GSE1: variants seen among roughly 807,000 people sequenced by gnomAD.
GSE1 encodes genetic suppressor element 1.
Under a neutral mutation model 112.6 loss-of-function variants are expected in GSE1, and 32 were observed. The observed-to-expected ratio is 0.28, with a 90% CI of 0.21 to 0.38. The LOEUF is 0.38. Ranked by LOEUF, GSE1 falls within the 10% of genes least tolerant of loss-of-function variation. The pLI, the probability that GSE1 is intolerant of heterozygous loss-of-function variation, is 1.00. For synonymous variants in GSE1, 1,115 were observed against 735.6 expected (o/e 1.52, Z -8.35); for missense variants, 2,348 against 1,699.2 (o/e 1.38, Z -6.71).
chr16:85,453,347 T>C (rs934442577), intron 2 of GSE1, among the ~76,000 whole-genome samples: 3 of 152,094 alleles, frequency 2.0e-5, no homozygotes, highest in African/African-American at 7.2e-5. Context: ...ATGGACGCAG[T>C]GTGTACAAAG....
chr16:85,336,859 T>C (rs1045712922), intron 1 of GSE1, among the ~76,000 whole-genome samples: 4 of 152,336 alleles, frequency 2.6e-5, no homozygotes, highest in African/African-American at 9.6e-5. Flanking sequence ...TGCATGAACA[T>C]TCACACGTTC....
chr16:85,492,090 G>A (rs927862057), intron 2 of GSE1, among the ~76,000 whole-genome samples: 5 of 152,190 alleles, frequency 3.3e-5, no homozygotes, highest in South Asian at 2.1e-4. Context: ...GGACACGCCC[G>A]CCCCTCCGAG....
intron 1 of GSE1, among the ~76,000 whole-genome samples, chr16:85,214,057 A>G (rs2075269690): frequency 6.6e-6 from 1 of 152,208 alleles, no homozygotes; most frequent in Non-Finnish European, 1.5e-5. Context: ...CTGGGTACAT[A>G]ATATCCCATA....
intron 1 of GSE1, among the ~76,000 whole-genome samples, chr16:85,284,368 G>A (rs976045515): frequency 2.6e-5 from 4 of 152,204 alleles, no homozygotes; most frequent in South Asian, 2.1e-4. Flanking sequence ...GGGGCCGGGC[G>A]CGAGAGCCTC....
At position 85,311,734 on chromosome 16, in the gene GSE1, C is replaced by G. The variant is rs2045854159; in HGVS notation, c.2284-45729C>G. ...GCTTCATTTCCCAGATGTCTTAGGACCTGAGGTGGTGCAGGCTCTCCAGGG... is the reference window on the plus strand; with the variant it reads ...GCTTCATTTCCCAGATGTCTTAGGAGCTGAGGTGGTGCAGGCTCTCCAGGG... On this transcript the variant is annotated intron_variant, in intron 1 of 2. Transcript: ENST00000637419. The surrounding 1 kb of genome is among the most constrained non-coding windows in gnomAD (Gnocchi z 4.2). 6.6e-6 allele frequency among the ~76,000 whole-genome samples: 1 copy of G among 152,154 alleles called. No individual in the cohort carries two copies. Among genetic ancestry groups the G allele is most frequent in the South Asian group, 2.1e-4 (1 of 4,828 alleles).
chr16:85,480,264 C>T lies in GSE1; in HGVS notation c.2464+122621C>T, dbSNP rs554096498. Among the ~76,000 whole-genome samples the T allele has an allele frequency of 4.3e-4, 66 of 152,358 alleles. 3 individuals carry two copies. In the South Asian group the frequency reaches 0.013, roughly 29 times the overall value. ...GACATTGTACCACTTGCATGAGAGG[C>T]AGTGTTTCGATGGGGATGGAGGGAA... On this transcript the variant is annotated intron_variant, in intron 2 of 2. Coordinates refer to the GSE1 transcript ENST00000637419.
At chr16:85,313,455 C>T (rs1375765523) in intron 1 of GSE1, among the ~76,000 whole-genome samples, 6 of 152,316 alleles carry the variant, frequency 3.9e-5, no homozygotes, top group African/African-American at 9.6e-5. Flanking sequence ...GGCCTCCTCT[C>T]TTGCAGACAA....
intron 1 of GSE1, among the ~76,000 whole-genome samples, chr16:85,325,765 T>TTA (rs1331071868): frequency 1.4e-5 from 2 of 142,878 alleles, no homozygotes; most frequent in African/African-American, 5.4e-5. Context: ...AGTCAATTTT[T>TTA]TTTTTTTTTG....
At chr16:85,650,858 G>A (rs183406405) in intron 3 of GSE1, among the ~76,000 whole-genome samples, 7 of 150,964 alleles carry the variant, frequency 4.6e-5, no homozygotes, top group East Asian at 2.0e-4. Context: ...GGCAGTTGCC[G>A]GGCCGGAGGC....
At chr16:85,360,697 T>A (rs1194576836) in intron 2 of GSE1, among the ~76,000 whole-genome samples, 2 of 151,542 alleles carry the variant, frequency 1.3e-5, no homozygotes, top group East Asian at 3.9e-4. Context: ...ACACAGTACA[T>A]ACACGCAAAC....
chr16:85,282,316 G>C (rs576608271), intron 1 of GSE1, among the ~76,000 whole-genome samples: 1 of 152,322 alleles, frequency 6.6e-6, no homozygotes, highest in East Asian at 1.9e-4. Context: ...GTGAGCCACC[G>C]CGCCCGGCTG....
intron 2 of GSE1, among the ~76,000 whole-genome samples, chr16:85,517,818 T>C (rs959937239): frequency 4.6e-5 from 7 of 152,258 alleles, no homozygotes; most frequent in African/African-American, 1.7e-4. Context: ...TCACATGCTG[T>C]GCGGGAGATA....
chr16:85,531,121 T>C (rs982153083), intron 2 of GSE1, among the ~76,000 whole-genome samples: 4 of 152,242 alleles, frequency 2.6e-5, no homozygotes, highest in African/African-American at 4.8e-5. Context: ...GCAGGAGCTT[T>C]ATTTGGGAAA....
Position 85,594,225 on chromosome 16 carries a change from T to TG in GSE1, c.37+37868dup, listed in dbSNP as rs1264211252. 0.017 allele frequency: 12 copies of TG among 694 alleles called. No homozygotes were observed. In the South Asian group the frequency reaches 0.36, roughly 21 times the overall value. 0.0% of individuals were successfully genotyped at this position (694 alleles called of 1,614,324 possible). A position where few individuals can be genotyped will look rare whatever the true frequency, so the allele number is the denominator to read the frequency against. Reference sequence around the variant, plus strand: ...CTGTGGAGGGCCTGGGCCCGATCCCTGGGGGGTTGGGGGGGGGGGGCGGAG... The same window carrying TG: ...CTGTGGAGGGCCTGGGCCCGATCCCTGGGGGGGTTGGGGGGGGGGGGCGGAG... On this transcript the variant is annotated intron_variant, in intron 1 of 2. Transcript: ENST00000635906.
intron 1 of GSE1, among the ~76,000 whole-genome samples, chr16:85,355,096 T>C (rs1326621884): frequency 2.0e-5 from 3 of 152,174 alleles, no homozygotes; most frequent in Admixed American, 2.0e-4. Flanking sequence ...AATTAAAGCA[T>C]TCCCGGAAAC....
chr16:85,483,784 C>T (rs1027965517), intron 2 of GSE1, among the ~76,000 whole-genome samples: 5 of 152,278 alleles, frequency 3.3e-5, no homozygotes, highest in African/African-American at 7.2e-5. Context: ...GCTGCGAATG[C>T]AAGGCTAGAC....
At chr16:85,259,940 C>T (rs1396077254) in intron 1 of GSE1, among the ~76,000 whole-genome samples, 1 of 152,254 alleles carries the variant, frequency 6.6e-6, no homozygotes, top group Non-Finnish European at 1.5e-5. Context: ...GGTGACCACT[C>T]AAGCACACAG....
chr16:85,176,285 G>T (rs942413337), intron 1 of GSE1, among the ~76,000 whole-genome samples: 2 of 152,234 alleles, frequency 1.3e-5, no homozygotes, highest in Non-Finnish European at 2.9e-5. Flanking sequence ...GGTGGCCATG[G>T]CCTGGAGGTG....
chr16:85,594,184 C>T (rs2047117554), intron 1 of GSE1: 1 of 119,420 alleles, frequency 8.4e-6, no homozygotes, highest in Admixed American at 1.1e-4. Context: ...CCCGATGGGC[C>T]AGGGCAGGAG....
Sources: allele counts gnomAD v4.1 joint callset (sites outside exome capture counted in the v4.1 genomes callset), GRCh38; gene constraint gnomAD v4.1.1; non-coding constraint Gnocchi (gnomAD v3.1); transcripts MANE v1.5; gene names NCBI Gene and HGNC (gene_info 2026-07-23, HGNC 2026-07-21).